APBB2: variants seen among roughly 807,000 people sequenced by gnomAD.
APBB2 encodes Fe65-like 1.
Under a neutral mutation model 82.5 loss-of-function variants are expected in APBB2, and 38 were observed. The observed-to-expected ratio is 0.46, with a 90% CI of 0.36 to 0.60. APBB2 has a LOEUF of 0.60. Among genes scored for constraint, APBB2 ranks in the 20% least tolerant of loss-of-function variants. The pLI is 0.00. For missense variants in APBB2, 772 were observed against 972.3 expected, an observed-to-expected ratio of 0.79 and a Z score of 2.74; for synonymous variants, 341 against 368.2, an observed-to-expected ratio of 0.93 and a Z score of 0.85.
intron 1 of APBB2, among the ~76,000 whole-genome samples, chr4:41,195,311 C>T: frequency 6.6e-6 from 1 of 152,204 alleles, no homozygotes; most frequent in Non-Finnish European, 1.5e-5. Context: ...TTCACAGCAG[C>T]CTCCTGCTTC....
chr4:40,827,353 C>T, intron 13 of APBB2, 134 bp from the exon 14 acceptor site: 1 of 661,370 alleles, frequency 1.5e-6, no homozygotes, highest in East Asian at 2.8e-5. Context: ...GAAGTCCCAC[C>T]CCTGCATCTC....
intron 4 of APBB2, among the ~76,000 whole-genome samples, chr4:41,058,937 C>A (rs755988021): frequency 8.2e-4 from 124 of 151,824 alleles, no homozygotes; most frequent in Non-Finnish European, 1.6e-3. Flanking sequence ...TGGGCCAGAA[C>A]CAAAGATAGA....
rs921741101 is a variant in APBB2 at position 40,880,911 on chromosome 4, G to A, written c.1529+9453C>T. On this transcript the variant is annotated intron_variant, in intron 12 of 17. Transcript: ENST00000508593. ...GAGGTATTTCTCAGGAGAAACTGTCGCCTTCATAGATTCATGAACAGGGAC... is the reference window on the plus strand; with the variant it reads ...GAGGTATTTCTCAGGAGAAACTGTCACCTTCATAGATTCATGAACAGGGAC... 44 of 984,112 alleles carry A rather than the reference G, an allele frequency of 4.5e-5. No individual in the cohort carries two copies. In the African/African-American group the frequency reaches 6.1e-4, roughly 14 times the overall value. The allele number at this position is 984,112 out of a possible 1,614,324, so 61.0% of individuals were successfully genotyped here. A position where few individuals can be genotyped will look rare whatever the true frequency, so the allele number is the denominator to read the frequency against.
chr4:40,931,986 A>C (rs1208654352), intron 10 of APBB2, among the ~76,000 whole-genome samples: 1 of 152,242 alleles, frequency 6.6e-6, no homozygotes, highest in Non-Finnish European at 1.5e-5. Context: ...CAGGCATTGA[A>C]ATAGACATGC....
chr4:40,914,506 C>T (rs569235611), intron 10 of APBB2, among the ~76,000 whole-genome samples: 23 of 152,146 alleles, frequency 1.5e-4, no homozygotes, highest in South Asian at 6.2e-4. Flanking sequence ...GAGCCGACAT[C>T]GCGCCATTGC....
At chr4:41,120,834 C>G (rs1020640036) in intron 2 of APBB2, among the ~76,000 whole-genome samples, 1 of 152,152 alleles carries the variant, frequency 6.6e-6, no homozygotes, top group African/African-American at 2.4e-5. Flanking sequence ...TTCTCAGAAC[C>G]TAAATCAAGT....
intron 1 of APBB2, among the ~76,000 whole-genome samples, chr4:41,178,007 A>G (rs946365856): frequency 6.6e-6 from 1 of 152,198 alleles, no homozygotes; most frequent in Non-Finnish European, 1.5e-5. Context: ...TGTATATATG[A>G]AGCACTAAGT....
intron 1 of APBB2, among the ~76,000 whole-genome samples, chr4:41,198,010 T>A: frequency 6.6e-6 from 1 of 152,232 alleles, no homozygotes; most frequent in Non-Finnish European, 1.5e-5. Flanking sequence ...ACTCATTTAA[T>A]CCTTACAATA....
intron 6 of APBB2, among the ~76,000 whole-genome samples, chr4:41,011,865 T>C (rs1808461159): frequency 7.2e-5 from 11 of 152,082 alleles, no homozygotes; most frequent in Admixed American, 7.2e-4. Flanking sequence ...CATTTAAAAA[T>C]ACATTTATGT....
chr4:41,121,552 C>T (rs1367564685), intron 2 of APBB2, among the ~76,000 whole-genome samples: 1 of 152,162 alleles, frequency 6.6e-6, no homozygotes, highest in Non-Finnish European at 1.5e-5. Context: ...GCTAAGACTC[C>T]TGAGGTGTCC....
At chr4:41,208,340 C>T (rs143313694) in intron 1 of APBB2, among the ~76,000 whole-genome samples, 1 of 152,208 alleles carries the variant, frequency 6.6e-6, no homozygotes, top group Non-Finnish European at 1.5e-5. Flanking sequence ...CAGCTCACAG[C>T]AACCTCCACC....
chr4:40,835,644 C>T (rs1465407952), intron 12 of APBB2, among the ~76,000 whole-genome samples: 1 of 152,212 alleles, frequency 6.6e-6, no homozygotes, highest in Non-Finnish European at 1.5e-5. Flanking sequence ...TGCACAGTGC[C>T]TTGTGTCTTG....
At chr4:40,846,059 T>C (rs916954963) in intron 12 of APBB2, among the ~76,000 whole-genome samples, 1 of 151,524 alleles carries the variant, frequency 6.6e-6, no homozygotes, top group Non-Finnish European at 1.5e-5. Flanking sequence ...ATTTATCAGC[T>C]GTCTGCCCTT....
intron 12 of APBB2, among the ~76,000 whole-genome samples, chr4:40,851,208 A>C (rs1052528450): frequency 2.6e-5 from 4 of 152,198 alleles, no homozygotes; most frequent in African/African-American, 9.6e-5. Context: ...ACAGGTGACA[A>C]ACTCCCAGGG....
chr4:40,873,293 T>C (rs1766028318), intron 12 of APBB2, among the ~76,000 whole-genome samples: 1 of 152,216 alleles, frequency 6.6e-6, no homozygotes, highest in African/African-American at 2.4e-5. Context: ...AGCACTCTAA[T>C]TTGTACAGTG....
chr4:40,880,328 T>G (rs568857653), intron 12 of APBB2: 2 of 985,420 alleles, frequency 2.0e-6, no homozygotes, highest in Non-Finnish European at 2.4e-6. Context: ...TGCACTAAAT[T>G]CATAGTCACT....
At chr4:41,065,695 A>G (rs565469457) in intron 3 of APBB2, 22 bp from the exon 4 acceptor site, 1 of 151,986 alleles carries the variant, frequency 6.6e-6, no homozygotes, top group East Asian at 1.9e-4. Flanking sequence ...GGAGAAAAAA[A>G]AAAGGTAGAA....
At chr4:40,907,319 T>C (rs1172818776) in intron 10 of APBB2, among the ~76,000 whole-genome samples, 2 of 146,034 alleles carry the variant, frequency 1.4e-5, no homozygotes, top group African/African-American at 5.0e-5. Flanking sequence ...AGGACTGATA[T>C]GCTTTATTTA....
intron 3 of APBB2, among the ~76,000 whole-genome samples, chr4:41,081,999 C>T (rs1476760040): frequency 1.3e-5 from 2 of 151,884 alleles, no homozygotes; most frequent in Non-Finnish European, 2.9e-5. Context: ...ACTTGTGACA[C>T]AGTTACTGGC....
Sources: gnomAD v4.1 joint callset for allele counts (sites outside exome capture counted in the v4.1 genomes callset) on GRCh38, gnomAD v4.1.1 for gene constraint, MANE v1.5 for transcripts, NCBI Gene and HGNC (gene_info 2026-07-23, HGNC 2026-07-21) for gene names.